The following EYS variants were observed in gnomAD, a reference collection of about 807,000 sequenced individuals.
EYS encodes protein eyes shut homolog.
EYS carries 250 observed loss-of-function variants against 282.1 expected under a neutral mutation model. That is an observed-to-expected ratio of 0.89 (90% confidence interval 0.80 to 0.98). EYS has a LOEUF of 0.98. Among genes scored for constraint, EYS ranks in the 50% least tolerant of loss-of-function variants. The pLI, the probability that EYS is intolerant of heterozygous loss-of-function variation, is 0.00. For synonymous variants in EYS, 1,355 were observed against 1,282.9 expected (o/e 1.06, Z -1.20); for missense variants, 4,016 against 3,709.0 (o/e 1.08, Z -2.15).
At chr6:65,066,349 T>C (rs1345154109) in intron 12 of EYS, among the ~76,000 whole-genome samples, 3 of 152,232 alleles carry the variant, frequency 2.0e-5, no homozygotes, top group Non-Finnish European at 4.4e-5. Flanking sequence ...CCAGGTCATG[T>C]ACAATTGGTA....
chr6:64,189,149 C>G (rs113186614), intron 31 of EYS, among the ~76,000 whole-genome samples: 4,132 of 151,320 alleles, frequency 0.027, 60 homozygotes, highest in African/African-American at 0.043. Context: ...GTCATCAGCA[C>G]CAGTTAAAAG....
In EYS at chr6:65,064,109, AT is replaced by A. The variant is rs1583449054; in HGVS notation, c.2024-6383del. 2.1e-5 allele frequency among the ~76,000 whole-genome samples: 3 copies of A among 145,940 alleles called. No homozygotes were observed. In the East Asian group the frequency reaches 5.9e-4, roughly 29 times the overall value. On this transcript the variant is annotated intron_variant, in intron 12 of 42. Transcript: ENST00000503581. ...ATACTTTGCTACATACTAATATACT[AT>A]ATATAGTATATTATATATTGCATAT...
At chr6:65,077,455 T>G (rs1035490717) in intron 12 of EYS, among the ~76,000 whole-genome samples, 13 of 152,116 alleles carry the variant, frequency 8.5e-5, no homozygotes, top group Non-Finnish European at 4.4e-5. Context: ...AGGTTTATAA[T>G]GAAATTGCAT....
intron 32 of EYS, among the ~76,000 whole-genome samples, chr6:64,073,914 G>A (rs1487779446): frequency 6.6e-6 from 1 of 151,696 alleles, no homozygotes; most frequent in Non-Finnish European, 1.5e-5. Context: ...CCATTAAGTC[G>A]TTGAAAGAAA....
chr6:64,213,998 G>A (rs1765858006), intron 31 of EYS, among the ~76,000 whole-genome samples: 1 of 152,102 alleles, frequency 6.6e-6, no homozygotes, highest in African/African-American at 2.4e-5. Context: ...TGATTACACA[G>A]AAATCTTTTT....
chr6:64,748,486 A>G (rs1292380675), intron 22 of EYS, among the ~76,000 whole-genome samples: 3 of 152,240 alleles, frequency 2.0e-5, no homozygotes, highest in Non-Finnish European at 4.4e-5. Context: ...CTAAGGCATT[A>G]GCATTAATTG....
At chr6:63,832,034 ACATAT>A (rs1407458758) in intron 36 of EYS, among the ~76,000 whole-genome samples, 1 of 152,250 alleles carries the variant, frequency 6.6e-6, no homozygotes, top group Non-Finnish European at 1.5e-5. Flanking sequence ...CAAAGACATA[ACATAT>A]CAGGATCTCT....
intron 19 of EYS, among the ~76,000 whole-genome samples, chr6:64,883,773 G>A (rs1766998653): frequency 6.6e-6 from 1 of 151,480 alleles, no homozygotes; most frequent in African/African-American, 2.4e-5. Flanking sequence ...GCAAGCCTTT[G>A]ATCATATGCC....
chr6:65,288,889 A>G (rs1768444786), intron 12 of EYS, among the ~76,000 whole-genome samples: 1 of 151,124 alleles, frequency 6.6e-6, no homozygotes, highest in African/African-American at 2.4e-5. Context: ...AAGCTAATTA[A>G]AAGTATTGCA....
intron 2 of EYS, among the ~76,000 whole-genome samples, chr6:65,528,463 G>A (rs1339226749): frequency 6.6e-6 from 1 of 152,198 alleles, no homozygotes; most frequent in Non-Finnish European, 1.5e-5. Context: ...ACAATTAAGA[G>A]GTAGGACTTT....
intron 5 of EYS, among the ~76,000 whole-genome samples, chr6:65,431,262 A>G (rs182849947): frequency 2.0e-5 from 3 of 152,142 alleles, no homozygotes; most frequent in Admixed American, 6.5e-5. Flanking sequence ...TTTGAGAAAC[A>G]CCTTTTCCTT....
chr6:64,346,615 A>C (rs986329093), intron 29 of EYS, among the ~76,000 whole-genome samples: 6 of 151,800 alleles, frequency 4.0e-5, no homozygotes, highest in Non-Finnish European at 8.8e-5. Flanking sequence ...TGACTAGTTA[A>C]TGGGTGCAGT....
chr6:65,089,982 T>C (rs13205091), intron 12 of EYS, among the ~76,000 whole-genome samples: 5 of 141,266 alleles, frequency 3.5e-5, no homozygotes, highest in East Asian at 2.1e-4. Flanking sequence ...TATAAATAAA[T>C]ACACACACAC....
intron 2 of EYS, among the ~76,000 whole-genome samples, chr6:65,581,351 A>G (rs1764862725): frequency 6.6e-6 from 1 of 152,132 alleles, no homozygotes; most frequent in Non-Finnish European, 1.5e-5. Flanking sequence ...CAAACGTTTT[A>G]AAAGCCACTT....
intron 11 of EYS, among the ~76,000 whole-genome samples, chr6:65,325,896 C>T (rs183273608): frequency 7.9e-5 from 12 of 152,234 alleles, no homozygotes; most frequent in Admixed American, 1.3e-4. Context: ...TAATTTTAAA[C>T]TGTCTTGAAC....
intron 31 of EYS, among the ~76,000 whole-genome samples, chr6:64,140,950 G>GT (rs1380807206): frequency 1.3e-5 from 2 of 152,028 alleles, no homozygotes; most frequent in Non-Finnish European, 2.9e-5. Context: ...CAACAACCTT[G>GT]TTATTAACCT....
At chr6:64,151,317 T>TTATATATATATATATA (rs61575285) in intron 31 of EYS, among the ~76,000 whole-genome samples, 4 of 52,466 alleles carry the variant, frequency 7.6e-5, no homozygotes, top group East Asian at 7.3e-4. Context: ...GTGTGTATAT[T>TTATATATATATATATA]TATATATATA....
At chr6:65,088,792 G>A (rs1030728236) in intron 12 of EYS, among the ~76,000 whole-genome samples, 1 of 152,102 alleles carries the variant, frequency 6.6e-6, no homozygotes, top group Non-Finnish European at 1.5e-5. Flanking sequence ...GGTCTGGAGG[G>A]CTAGGAGGAA....
Position 65,697,908 on chromosome 6 carries a change from A to C in EYS, c.-448+9227T>G, listed in dbSNP as rs562625786. ...CCTACAAATGAAGCCAATATGTGAC[A>C]TTTCAAAACTGCTGTACTACCACAA... On this transcript the variant is annotated intron_variant, in intron 1 of 42. Transcript: ENST00000503581. Among the ~76,000 whole-genome samples, 24 of 152,282 alleles carry C rather than the reference A, an allele frequency of 1.6e-4. No homozygotes were observed. In the East Asian group the frequency reaches 4.4e-3, roughly 28 times the overall value.
Sources: gnomAD v4.1 joint callset for allele counts (sites outside exome capture counted in the v4.1 genomes callset) on GRCh38, gnomAD v4.1.1 for gene constraint, MANE v1.5 for transcripts, NCBI Gene and HGNC (gene_info 2026-07-23, HGNC 2026-07-21) for gene names.